The following PXN variants were observed in gnomAD, a reference collection of about 807,000 sequenced individuals.
PXN encodes testicular tissue protein Li 134.
PXN carries 61 observed loss-of-function variants against 103.6 expected under a neutral mutation model. The ratio of observed to expected loss-of-function variants is 0.59; its 90% CI spans 0.48 to 0.73. The LOEUF (loss-of-function observed/expected upper bound fraction) is 0.73. Among genes scored for constraint, PXN ranks in the 30% least tolerant of loss-of-function variants. PXN has a pLI of 0.00. For missense variants in PXN, 1,274 were observed against 1,460.3 expected, an observed-to-expected ratio of 0.87 and a Z score of 2.08; for synonymous variants, 562 against 607.8, an observed-to-expected ratio of 0.92 and a Z score of 1.11.
At position 120,225,073 on chromosome 12, in the gene PXN, G is replaced by C. The variant is rs970953569; in HGVS notation, c.14-696C>G. 1 of 257,216 alleles carries C rather than the reference G, an allele frequency of 3.9e-6. No individual in the cohort carries two copies. Among genetic ancestry groups the C allele is most frequent in the Non-Finnish European group, 8.0e-6 (1 of 125,752 alleles). 15.9% of individuals were successfully genotyped at this position (257,216 alleles called of 1,614,324 possible). On this transcript the variant is annotated intron_variant, in intron 1 of 14. Transcript: ENST00000637617. The surrounding 1 kb of genome is among the most constrained non-coding windows in gnomAD (Gnocchi z 4.4). ...AGCAGCCCGGCCCCAGAGGCTCCAG[G>C]CCCCCACTGTTCTGCTTTTAACAGC...
chr12:120,223,740 C>A lies in PXN; in HGVS notation c.334G>T (p.Gly112Cys), dbSNP rs746570924. The change falls in exon 3 of 15, where the codon GGT becomes TGT. Residue 112 changes from glycine to cysteine, a missense_variant. Transcript: ENST00000637617. The stretch of plus-strand genomic sequence containing the variant: ...TACCTGTAGACGTGCTCCTCCTCAC[C>A]CACTCGGGAGCACGGAGAGCCAACA... ...DSVGSPCSRV[G>C]EEEHVYSFPN... 6.2e-7 allele frequency: 1 copy of A among 1,602,556 alleles called. No homozygotes were observed. The highest frequency in any genetic ancestry group is 8.5e-7 in the Non-Finnish European group (1 of 1,174,712).
intron 1 of PXN, among the ~76,000 whole-genome samples, chr12:120,232,078 G>A (rs943344049): frequency 6.6e-6 from 1 of 152,214 alleles, no homozygotes; most frequent in Non-Finnish European, 1.5e-5. Flanking sequence ...ACTCAGGCTA[G>A]AGGCCTGATC....
intron 1 of PXN, among the ~76,000 whole-genome samples, chr12:120,235,428 G>A (rs1428270823): frequency 1.3e-5 from 2 of 152,106 alleles, no homozygotes; most frequent in Non-Finnish European, 2.9e-5. Context: ...CAGACACCCA[G>A]AGCCGCCCCA....
At position 120,265,698 on chromosome 12, in the gene PXN, G is replaced by T; in HGVS notation, c.-69C>A. On this transcript the variant is annotated 5_prime_UTR_variant, in exon 1 of 15. Transcript: ENST00000637617. This position sits in a 1 kb window ranked among gnomAD's most constrained non-coding sequence, Gnocchi z 5.7. ...TCCCGGGGCCGCTCGTCTATGCCCC[G>T]CAACTTTTCCGCCGCGAGCCTCGGC... 1 of 1,294,588 alleles carries T rather than the reference G, an allele frequency of 7.7e-7. No individual in the cohort carries two copies. The highest frequency in any genetic ancestry group is 3.8e-5 in the Admixed American group (1 of 26,380). The allele number at this position is 1,294,588 out of a possible 1,614,324, so 80.2% of individuals were successfully genotyped here. A position where few individuals can be genotyped will look rare whatever the true frequency, so the allele number is the denominator to read the frequency against.
Position 120,215,376 on chromosome 12 carries a change from G to A in PXN, c.2404-103C>T. ...TTTCTCCCTCCTGGACAGATGAGCT[G>A]ATGGAGACAAGAAGTACAACCTCCT... On this transcript the variant is annotated intron_variant, in intron 10 of 14. Transcript: ENST00000637617. The surrounding 1 kb of genome is among the most constrained non-coding windows in gnomAD (Gnocchi z 4.9). The A allele has an allele frequency of 6.8e-7, 1 of 1,470,390 alleles. No homozygotes were observed. Among genetic ancestry groups the A allele is most frequent in the South Asian group, 1.3e-5 (1 of 75,572 alleles). The allele number at this position is 1,470,390 out of a possible 1,614,324, so 91.1% of individuals were successfully genotyped here.
chr12:120,243,484 AT>A (rs1256318533), intron 1 of PXN, among the ~76,000 whole-genome samples: 2 of 152,260 alleles, frequency 1.3e-5, no homozygotes, highest in East Asian at 3.9e-4. Context: ...GAGGGCAGAA[AT>A]TTGAGACCAG....
In PXN at chr12:120,217,065, A is replaced by C; in HGVS notation, c.1768T>G (p.Ser590Ala). 1 of 1,591,800 alleles carries C rather than the reference A, an allele frequency of 6.3e-7. No individual in the cohort carries two copies. Among genetic ancestry groups the C allele is most frequent in the Non-Finnish European group, 8.5e-7 (1 of 1,177,472 alleles). Reference sequence around the variant, plus strand: ...CGGCGGCGAGGGGAGGGCTCCCGGGACATGGGGTGTGCGTGGCCAGACTCC... The same window carrying C: ...CGGCGGCGAGGGGAGGGCTCCCGGGCCATGGGGTGTGCGTGGCCAGACTCC... ...SWESGHAHPM[S>A]REPSPRRRLD... The change falls in exon 8 of 15, where the codon TCC (serine) becomes GCC (alanine). Residue 590 changes from serine to alanine, a missense_variant. This residue lies in a region of PXN where 1,178 missense variants were observed against 1,309.0 expected (regional missense o/e 0.90). Coordinates refer to ENST00000637617, the MANE Select transcript of PXN (RefSeq NM_001385981.1). The surrounding 1 kb of genome is among the most constrained non-coding windows in gnomAD (Gnocchi z 4.1).
rs774977339 is a variant in PXN, at chr12:120,224,138, G to T, written c.240+13C>A. On this transcript the variant is annotated intron_variant, in intron 2 of 14. Coordinates refer to ENST00000637617, the MANE Select transcript of PXN (RefSeq NM_001385981.1). This position sits in a 1 kb window ranked among gnomAD's most constrained non-coding sequence, Gnocchi z 5.0. ...AGCCTCCTTGGCCTTCCCAGCCACT[G>T]TCCCCGCCTCACCTGCTGGTGGATG... The T allele has an allele frequency of 6.5e-7, 1 of 1,537,810 alleles. No individual in the cohort carries two copies.
rs974335042 is a variant in PXN, at chr12:120,235,521, C to T, written c.14-11144G>A. Among the ~76,000 whole-genome samples the T allele has an allele frequency of 2.6e-5, 4 of 152,106 alleles. 1 individual carries two copies. Among genetic ancestry groups the T allele is most frequent in the Admixed American group, 2.0e-4 (3 of 15,282 alleles). On this transcript the variant is annotated intron_variant, in intron 1 of 14. Transcript: ENST00000637617. ...GATGCCCCACAAGGAGAGGAATGAT[C>T]GCTTTCAGCAGCTGTCCGTCCTCTG...
At position 120,212,289 on chromosome 12, in the gene PXN, G is replaced by C. The variant is rs1450582949; in HGVS notation, c.*25C>G. On this transcript the variant is annotated 3_prime_UTR_variant, in exon 15 of 15. Coordinates refer to ENST00000637617, the MANE Select transcript of PXN (RefSeq NM_001385981.1). The surrounding 1 kb of genome is among the most constrained non-coding windows in gnomAD (Gnocchi z 7.2). ...CAGTTGGGGATGCTGGCTGGGGAAG[G>C]GGGGCAGAGACAGGGGCAGGGCACC... 1.1e-5 allele frequency: 17 copies of C among 1,603,260 alleles called. No individual in the cohort carries two copies. Among genetic ancestry groups the C allele is most frequent in the East Asian group, 6.7e-5 (3 of 44,704 alleles).
At chr12:120,237,940 G>A (rs1594462745) in intron 1 of PXN, among the ~76,000 whole-genome samples, 1 of 152,290 alleles carries the variant, frequency 6.6e-6, no homozygotes, top group East Asian at 1.9e-4. Context: ...CAGCAGGCCT[G>A]ACCCAACCCA....
In PXN at chr12:120,223,702, C is replaced by A; in HGVS notation, c.356+16G>T. 3 of 1,542,274 alleles carry A rather than the reference C, an allele frequency of 1.9e-6. No individual in the cohort carries two copies. Among genetic ancestry groups the A allele is most frequent in the East Asian group, 2.4e-5 (1 of 41,996 alleles). ...TAAGCAGGAGGGAAGGTGCCCTGGG[C>A]AGACTGGGGCAGTACCTGTAGACGT... On this transcript the variant is annotated intron_variant, in intron 3 of 14. Transcript: ENST00000637617.
Position 120,215,618 on chromosome 12 carries a change from GCCC to G in PXN, c.2342_2344del (p.Trp781_Ala782delinsSer). The G allele has an allele frequency of 6.2e-7, 1 of 1,611,924 alleles. No homozygotes were observed. Among genetic ancestry groups the G allele is most frequent in the Non-Finnish European group, 8.5e-7 (1 of 1,179,252 alleles). Reference sequence around the variant, plus strand: ...CCCGCCGTCCCGAGGCCAGCCGGCCGCCCAGCACCGCTCCCCATCCGCTCTTTG... The same window carrying G: ...CCCGCCGTCCCGAGGCCAGCCGGCCGAGCACCGCTCCCCATCCGCTCTTTG... On this transcript the variant is annotated inframe_deletion, in exon 10 of 15. Coordinates refer to ENST00000637617, the MANE Select transcript of PXN (RefSeq NM_001385981.1). This position sits in a 1 kb window ranked among gnomAD's most constrained non-coding sequence, Gnocchi z 4.9.
intron 1 of PXN, among the ~76,000 whole-genome samples, chr12:120,264,660 C>T (rs1566444114): frequency 6.6e-6 from 1 of 152,238 alleles, no homozygotes; most frequent in Admixed American, 6.5e-5. Flanking sequence ...GCATCCTGTC[C>T]TCTTTCACCT....
chr12:120,240,379 G>A (rs544033219), intron 1 of PXN, among the ~76,000 whole-genome samples: 77 of 152,298 alleles, frequency 5.1e-4, no homozygotes, highest in African/African-American at 1.8e-3. Flanking sequence ...TGCAGAGAAG[G>A]TGCTCTGACA....
chr12:120,219,827 G>A lies in PXN; in HGVS notation c.1096C>T (p.Pro366Ser). The change falls in exon 7 of 15, where the codon CCC (proline) becomes TCC (serine). Residue 366 changes from proline (P) to serine (S), a missense_variant. Physicochemically the swap from Pro to Ser is moderately conservative, Grantham distance 74. Coordinates refer to ENST00000637617, the MANE Select transcript of PXN (RefSeq NM_001385981.1). The surrounding 1 kb of genome is among the most constrained non-coding windows in gnomAD (Gnocchi z 6.5). ...VMPDTFNSRS[P>S]SVEGSLWAVG... ...GCCCACAGAGAACCCTCCACAGAGGGAGACCTTGAGTTGAAGGTGTCAGGC... is the reference window on the plus strand; with the variant it reads ...GCCCACAGAGAACCCTCCACAGAGGAAGACCTTGAGTTGAAGGTGTCAGGC... 1 of 1,598,422 alleles carries A rather than the reference G, an allele frequency of 6.3e-7. No individual in the cohort carries two copies. Among genetic ancestry groups the A allele is most frequent in the South Asian group, 1.1e-5 (1 of 91,076 alleles).
At position 120,212,485 on chromosome 12, in the gene PXN, A is replaced by G. The variant is rs767724043; in HGVS notation, c.3075T>C (p.Cys1025=). Residue 1025 remains cysteine (C), a synonymous_variant, in exon 15 of 15, where the codon TGT becomes TGC. Transcript: ENST00000637617. This position sits in a 1 kb window ranked among gnomAD's most constrained non-coding sequence, Gnocchi z 7.2. ...CGGTGATGGGCTTCTGGCAGCCAGAACACAGCGAGCCGCGCCGCTCGTGGT... is the reference window on the plus strand; with the variant it reads ...CGGTGATGGGCTTCTGGCAGCCAGAGCACAGCGAGCCGCGCCGCTCGTGGT... ...VHYHERRGSL[C]SGCQKPITGR... is the part of the protein sequence containing the mutation. 1.2e-6 allele frequency: 2 copies of G among 1,613,806 alleles called. No individual in the cohort carries two copies. The highest frequency in any genetic ancestry group is 1.1e-5 in the South Asian group (1 of 91,092).
At position 120,260,144 on chromosome 12, in the gene PXN, T is replaced by C. The variant is rs969365436; in HGVS notation, c.13+5473A>G. ...TGGAGAGGTGACCAGGGAGGGAGGA[T>C]TGGGGCCTCCCCTGGAACAGGAGAC... On this transcript the variant is annotated intron_variant, in intron 1 of 14. Transcript: ENST00000637617. Among the ~76,000 whole-genome samples, 50 of 151,910 alleles carry C rather than the reference T, an allele frequency of 3.3e-4. 1 individual carries two copies. The highest frequency in any genetic ancestry group is 1.2e-3 in the African/African-American group (48 of 41,322).
chr12:120,246,314 G>T (rs1891106869), intron 1 of PXN, among the ~76,000 whole-genome samples: 1 of 150,806 alleles, frequency 6.6e-6, no homozygotes. Context: ...ATCACTTGAG[G>T]TCAGGAGTTC....
Sources: allele counts gnomAD v4.1 joint callset (sites outside exome capture counted in the v4.1 genomes callset), GRCh38; gene constraint gnomAD v4.1.1; regional missense constraint gnomAD v4.1.1; non-coding constraint Gnocchi (gnomAD v3.1); transcripts MANE v1.5; gene names NCBI Gene and HGNC (gene_info 2026-07-23, HGNC 2026-07-21).